Variants in SRSF4 observed in about 807,000 individuals in gnomAD.
SRSF4 encodes serine and arginine rich splicing factor 4, also known as serine/arginine-rich splicing factor 4.
SRSF4 carries 12 observed loss-of-function variants against 48.8 expected under a neutral mutation model. The ratio of observed to expected loss-of-function variants is 0.25; its 90% CI spans 0.16 to 0.40. The LOEUF is 0.40. Ranked by LOEUF, SRSF4 falls within the 10% of genes least tolerant of loss-of-function variation. SRSF4 has a pLI of 1.00. For missense variants in SRSF4, 466 were observed against 667.1 expected (o/e 0.70, Z 3.32); for synonymous variants, 248 against 232.5 (o/e 1.07, Z -0.61).
chr1:29,165,342 GT>G (rs1467012114), intron 1 of SRSF4, among the ~76,000 whole-genome samples: 1 of 152,132 alleles, frequency 6.6e-6, no homozygotes, highest in African/African-American at 2.4e-5. Flanking sequence ...TACTGCTCAG[GT>G]TATCAGTCAT....
At chr1:29,181,602 G>A in intron 1 of SRSF4, 44 bp downstream of exon 1, 1 of 1,514,020 alleles carries the variant, frequency 6.6e-7, no homozygotes, top group Non-Finnish European at 9.0e-7. Flanking sequence ...CACCACCTAT[G>A]GGGTCTGTCC....
rs1401994647 is a variant in SRSF4, at chr1:29,148,082, A to G, written c.*328T>C. The G allele has an allele frequency of 1.9e-6, 1 of 514,496 alleles. No individual in the cohort carries two copies. The highest frequency in any genetic ancestry group is 3.8e-6 in the Non-Finnish European group (1 of 265,876). 31.9% of individuals were successfully genotyped at this position (514,496 alleles called of 1,614,324 possible). Reference sequence around the variant, plus strand: ...ATGGTTGAACTCACCATACCTACCTATGTGGTCATTCCAGCCTTAGAGCCG... The same window carrying G: ...ATGGTTGAACTCACCATACCTACCTGTGTGGTCATTCCAGCCTTAGAGCCG... On this transcript the variant is annotated 3_prime_UTR_variant, in exon 6 of 6. Transcript: ENST00000373795.
intron 4 of SRSF4, among the ~76,000 whole-genome samples, chr1:29,151,106 A>G (rs545684084): frequency 6.6e-6 from 1 of 152,236 alleles, no homozygotes; most frequent in Non-Finnish European, 1.5e-5. Flanking sequence ...TAAAGCAGGA[A>G]GTAGTACACA....
Position 29,148,693 on chromosome 1 carries a change from C to A in SRSF4, c.1202G>T (p.Arg401Leu). 6.2e-7 allele frequency: 1 copy of A among 1,614,056 alleles called. No homozygotes were observed. The highest frequency in any genetic ancestry group is 2.2e-5 in the East Asian group (1 of 44,866). Residue 401 changes from arginine to leucine, a missense_variant, in exon 6 of 6, where the codon CGC becomes CTC. Transcript: ENST00000373795. Reference protein sequence around the residue: ...SKKKKKEDTDRSQSRSPSRSV... With the variant: ...SKKKKKEDTDLSQSRSPSRSV... ...GCGGGATGGAGATCTGGACTGGGAG[C>A]GGTCAGTGTCTTCCTTCTTCTTCTT...
At chr1:29,176,016 G>C (rs1040554187) in intron 1 of SRSF4, among the ~76,000 whole-genome samples, 1 of 152,272 alleles carries the variant, frequency 6.6e-6, no homozygotes, top group African/African-American at 2.4e-5. Flanking sequence ...ACTTTGGGAG[G>C]CCGAGGCAGG....
At chr1:29,152,058 G>A (rs1208231918) in intron 4 of SRSF4, among the ~76,000 whole-genome samples, 1 of 152,062 alleles carries the variant, frequency 6.6e-6, no homozygotes, top group African/African-American at 2.4e-5. Context: ...TGGGAGGACC[G>A]CTTGAACCCA....
intron 1 of SRSF4, among the ~76,000 whole-genome samples, chr1:29,180,543 C>T (rs1048668342): frequency 6.6e-6 from 1 of 152,178 alleles, no homozygotes; most frequent in Non-Finnish European, 1.5e-5. Flanking sequence ...TTTCAGGTGT[C>T]AGTTACTAGT....
rs180789727 is a variant in SRSF4, at chr1:29,160,540, C to A, written c.108-23G>T. 14 of 1,578,626 alleles carry A rather than the reference C, an allele frequency of 8.9e-6. No homozygotes were observed. In the Admixed American group the frequency reaches 2.4e-4, roughly 27 times the overall value. ...TATCTAGAAGAGAGCAAAGAAAATA[C>A]TGGTTGGTACCATTTTGACATCCAG... On this transcript the variant is annotated intron_variant, in intron 1 of 5. Coordinates refer to ENST00000373795, the MANE Select transcript of SRSF4 (RefSeq NM_005626.5).
At chr1:29,150,027 A>G (rs549132338) in intron 5 of SRSF4, 76 bp downstream of exon 5, 2 of 1,322,460 alleles carry the variant, frequency 1.5e-6, no homozygotes, top group African/African-American at 2.9e-5. Context: ...CTCTTTGAAA[A>G]AAAAAAGAAA....
At chr1:29,162,250 T>G (rs1672609779) in intron 1 of SRSF4, among the ~76,000 whole-genome samples, 1 of 152,210 alleles carries the variant, frequency 6.6e-6, no homozygotes, top group African/African-American at 2.4e-5. Flanking sequence ...AGCAGCTTAA[T>G]AAGAAGGATT....
chr1:29,168,038 CAT>C (rs1164732065), intron 1 of SRSF4, among the ~76,000 whole-genome samples: 1 of 115,460 alleles, frequency 8.7e-6, no homozygotes. Flanking sequence ...TTAAAAAAAA[CAT>C]AGTCTCGCTC....
At chr1:29,154,566 A>G (rs1672469257) in intron 4 of SRSF4, 130 bp downstream of exon 4, 1 of 882,128 alleles carries the variant, frequency 1.1e-6, no homozygotes, top group South Asian at 1.8e-5. Context: ...TGTTCAGTTC[A>G]AAATTCTAAG....
At chr1:29,152,811 C>T (rs1304704080) in intron 4 of SRSF4, among the ~76,000 whole-genome samples, 7 of 151,536 alleles carry the variant, frequency 4.6e-5, no homozygotes, top group Non-Finnish European at 1.0e-4. Flanking sequence ...CCCAGCTACT[C>T]AGGAGGCTGA....
chr1:29,173,337 G>C (rs977813445), intron 1 of SRSF4: 1 of 151,080 alleles, frequency 6.6e-6, no homozygotes, highest in Non-Finnish European at 1.5e-5. Context: ...GTAGAGATAG[G>C]GTTTCACCAT....
At chr1:29,162,636 G>C (rs1191789746) in intron 1 of SRSF4, among the ~76,000 whole-genome samples, 3 of 152,176 alleles carry the variant, frequency 2.0e-5, no homozygotes, top group African/African-American at 7.2e-5. Context: ...GGAGGGAGGA[G>C]GGACATTTGG....
chr1:29,167,812 ATAAT>A (rs1558391362), intron 1 of SRSF4, among the ~76,000 whole-genome samples: 2 of 152,314 alleles, frequency 1.3e-5, no homozygotes, highest in East Asian at 3.9e-4. Context: ...GGCACAGTAA[ATAAT>A]TTATCCATAA....
chr1:29,148,353 G>A lies in SRSF4; in HGVS notation c.*57C>T, dbSNP rs1239569691. On this transcript the variant is annotated 3_prime_UTR_variant, in exon 6 of 6. Transcript: ENST00000373795. ...GTTCTACTCCAATCACTTGTGCTAC[G>A]GCTACCAAACATGTACAAAAGACTT... 9 of 1,549,050 alleles carry A rather than the reference G, an allele frequency of 5.8e-6. No homozygotes were observed. The highest frequency in any genetic ancestry group is 1.3e-5 in the South Asian group (1 of 79,748).
chr1:29,154,653 G>A, intron 4 of SRSF4, 43 bp downstream of exon 4: 3 of 1,569,832 alleles, frequency 1.9e-6, no homozygotes, highest in Non-Finnish European at 2.6e-6. Flanking sequence ...GCTCACTAAT[G>A]AATTTATGAT....
intron 1 of SRSF4, among the ~76,000 whole-genome samples, chr1:29,175,914 C>T (rs531130248): frequency 6.6e-6 from 1 of 151,962 alleles, no homozygotes. Flanking sequence ...TTGTACATGC[C>T]AGTGCAAATG....
Sources: gnomAD v4.1 joint callset for allele counts (sites outside exome capture counted in the v4.1 genomes callset) on GRCh38, gnomAD v4.1.1 for gene constraint, MANE v1.5 for transcripts, NCBI Gene and HGNC (gene_info 2026-07-23, HGNC 2026-07-21) for gene names.